The following MAP3K10 variants were observed in gnomAD, a reference collection of about 807,000 sequenced individuals.
MAP3K10 encodes the protein mitogen-activated protein kinase kinase kinase 10, also known as MKN28 derived nonreceptor_type serine/threonine kinase.
MAP3K10 carries 22 observed loss-of-function variants against 75.0 expected under a neutral mutation model. That is an observed-to-expected ratio of 0.29 (90% confidence interval 0.21 to 0.42). The LOEUF (loss-of-function observed/expected upper bound fraction) is 0.42, where lower values mean the gene tolerates loss of function less well. Among genes scored for constraint, MAP3K10 ranks in the 10% least tolerant of loss-of-function variants. The pLI, the probability that MAP3K10 is intolerant of heterozygous loss-of-function variation, is 1.00. For synonymous variants in MAP3K10, 599 were observed against 612.9 expected, an observed-to-expected ratio of 0.98 and a Z score of 0.34; for missense variants, 1,165 against 1,379.8, an observed-to-expected ratio of 0.84 and a Z score of 2.47.
At position 40,198,417 on chromosome 19, in the gene MAP3K10, C is replaced by T. The variant is rs370149563; in HGVS notation, c.725C>T (p.Thr242Met). The change falls in exon 2 of 10, where the codon ACG (threonine) becomes ATG (methionine). Residue 242 changes from threonine (T) to methionine (M), a missense_variant. This residue lies in a region of MAP3K10 where 575 missense variants were observed against 793.2 expected (regional missense o/e 0.72). Transcript: ENST00000253055. This position sits in a 1 kb window ranked among gnomAD's most constrained non-coding sequence, Gnocchi z 4.3. ...ATCGAGAACCACAACCTCGCAGACA[C>T]GGTGCTCAAGATCACGGACTTCGGC... Reference protein sequence around the residue: ...EAIENHNLADTVLKITDFGLA... With the variant: ...EAIENHNLADMVLKITDFGLA... 17 of 1,613,956 alleles carry T rather than the reference C, an allele frequency of 1.1e-5. No homozygotes were observed. Among genetic ancestry groups the T allele is most frequent in the East Asian group, 4.5e-5 (2 of 44,900 alleles).
chr19:40,197,985 C>T (rs1972941904), intron 1 of MAP3K10, among the ~76,000 whole-genome samples: 2 of 152,152 alleles, frequency 1.3e-5, no homozygotes, highest in African/African-American at 4.8e-5. Context: ...GCATGCACCA[C>T]CACACCCAGG....
chr19:40,214,205 C>A lies in MAP3K10; in HGVS notation c.2526C>A (p.Pro842=). The part of the protein sequence containing the change: ...GALGQRGPPE[P]AGHGPGPRDL... ...TGGGGCAGCGGGGGCCGCCCGAGCCCGCGGGCCATGGCCCTGGTGAGTGAG... is the reference window on the plus strand; with the variant it reads ...TGGGGCAGCGGGGGCCGCCCGAGCCAGCGGGCCATGGCCCTGGTGAGTGAG... The change falls in exon 9 of 10, where the codon CCC becomes CCA. Residue 842 remains proline (P), a synonymous_variant. Transcript: ENST00000253055. The A allele has an allele frequency of 7.0e-7, 1 of 1,428,568 alleles. No individual in the cohort carries two copies. The highest frequency in any genetic ancestry group is 9.1e-7 in the Non-Finnish European group (1 of 1,102,304). The allele number at this position is 1,428,568 out of a possible 1,614,324, so 88.5% of individuals were successfully genotyped here.
intron 2 of MAP3K10, among the ~76,000 whole-genome samples, chr19:40,199,886 C>G (rs1050754566): frequency 1.3e-5 from 2 of 152,054 alleles, no homozygotes; most frequent in Non-Finnish European, 2.9e-5. Context: ...AGGCCGGGTG[C>G]GGTGGCTCAC....
chr19:40,204,666 A>G lies in MAP3K10; in HGVS notation c.1012+33A>G. On this transcript the variant is annotated intron_variant, in intron 3 of 9. Coordinates refer to ENST00000253055, the MANE Select transcript of MAP3K10 (RefSeq NM_002446.4). The surrounding 1 kb of genome is among the most constrained non-coding windows in gnomAD (Gnocchi z 4.3). The stretch of plus-strand genomic sequence containing the variant: ...GGGGCCCCGTGACGAGGGTAGGCTC[A>G]GCTTGGAGTGGCAGGGACCTGTGGG... The G allele has an allele frequency of 6.2e-7, 1 of 1,601,674 alleles. No homozygotes were observed. Among genetic ancestry groups the G allele is most frequent in the Non-Finnish European group, 8.5e-7 (1 of 1,172,570 alleles).
Position 40,192,414 on chromosome 19 carries a change from G to A in MAP3K10, c.383G>A (p.Arg128Gln). The A allele has an allele frequency of 6.2e-7, 1 of 1,613,992 alleles. No individual in the cohort carries two copies. The highest frequency in any genetic ancestry group is 8.5e-7 in the Non-Finnish European group (1 of 1,179,970). The change falls in exon 1 of 10, where the codon CGG becomes CAG. Residue 128 changes from arginine to glutamine, a missense_variant. Physicochemically the swap from Arg to Gln is conservative, Grantham distance 43. Coordinates refer to ENST00000253055, the MANE Select transcript of MAP3K10 (RefSeq NM_002446.4). This position sits in a 1 kb window ranked among gnomAD's most constrained non-coding sequence, Gnocchi z 7.1. ...RGEEVAVKAA[R>Q]LDPEKDPAVT... ...GAGGAGGTGGCAGTCAAGGCCGCCC[G>A]GCTGGACCCTGAGAAGGACCCGGCA...
Position 40,205,228 on chromosome 19 carries a change from C to A in MAP3K10, c.1120C>A (p.His374Asn). 4 of 1,614,136 alleles carry A rather than the reference C, an allele frequency of 2.5e-6. No individual in the cohort carries two copies. Among genetic ancestry groups the A allele is most frequent in the Non-Finnish European group, 3.4e-6 (4 of 1,180,034 alleles). The change falls in exon 4 of 10, where the codon CAC (histidine) becomes AAC (asparagine). Residue 374 changes from histidine (H) to asparagine (N), a missense_variant. By Grantham distance (68) the His-to-Asn change is moderately conservative. This residue lies in a region of MAP3K10 where 575 missense variants were observed against 793.2 expected (regional missense o/e 0.72). Coordinates refer to ENST00000253055, the MANE Select transcript of MAP3K10 (RefSeq NM_002446.4). The surrounding 1 kb of genome is among the most constrained non-coding windows in gnomAD (Gnocchi z 4.3). ...GTTCCAGATGCCACTGGAGTCCTTC[C>A]ACTCGCTGCAGGAAGACTGGAAGCT... ...ALFQMPLESF[H>N]SLQEDWKLEI...
Position 40,198,631 on chromosome 19 carries a change from G to A in MAP3K10, c.863+76G>A. On this transcript the variant is annotated intron_variant, in intron 2 of 9. Coordinates refer to ENST00000253055, the MANE Select transcript of MAP3K10 (RefSeq NM_002446.4). This position sits in a 1 kb window ranked among gnomAD's most constrained non-coding sequence, Gnocchi z 4.3. The stretch of plus-strand genomic sequence containing the variant: ...AGGGGTGAGGGCAGAGTGGGAGGGA[G>A]GGTCTCCTGCTGAAGCCAGGATCTC... 7.0e-7 allele frequency: 1 copy of A among 1,420,850 alleles called. No homozygotes were observed. The allele number at this position is 1,420,850 out of a possible 1,614,324, so 88.0% of individuals were successfully genotyped here. A position where few individuals can be genotyped will look rare whatever the true frequency, so the allele number is the denominator to read the frequency against.
chr19:40,213,929 G>A lies in MAP3K10; in HGVS notation c.2250G>A (p.Ser750=), dbSNP rs764402807. ...LAPSATLVSL[S]SVSDCNSTRS... ...CCTCGGCCACCCTCGTGTCGCTGTC[G>A]TCCGTGTCCGACTGCAACTCCACGC... The change falls in exon 9 of 10, where the codon TCG becomes TCA. Residue 750 remains serine (S), a synonymous_variant. Coordinates refer to ENST00000253055, the MANE Select transcript of MAP3K10 (RefSeq NM_002446.4). The surrounding 1 kb of genome is among the most constrained non-coding windows in gnomAD (Gnocchi z 5.7). 5 of 1,525,944 alleles carry A rather than the reference G, an allele frequency of 3.3e-6. No individual in the cohort carries two copies. Among genetic ancestry groups the A allele is most frequent in the East Asian group, 2.6e-5 (1 of 38,190 alleles). 94.5% of individuals were successfully genotyped at this position (1,525,944 alleles called of 1,614,324 possible). A position where few individuals can be genotyped will look rare whatever the true frequency, so the allele number is the denominator to read the frequency against.
At chr19:40,208,087 A>G (rs567531922) in intron 5 of MAP3K10, among the ~76,000 whole-genome samples, 1 of 152,220 alleles carries the variant, frequency 6.6e-6, no homozygotes, top group African/African-American at 2.4e-5. Flanking sequence ...AAAAGTACAT[A>G]TACATACCCA....
At position 40,205,332 on chromosome 19, in the gene MAP3K10, A is replaced by G; in HGVS notation, c.1188+36A>G. 1 of 1,609,640 alleles carries G rather than the reference A, an allele frequency of 6.2e-7. No individual in the cohort carries two copies. Among genetic ancestry groups the G allele is most frequent in the South Asian group, 1.1e-5 (1 of 90,588 alleles). ...GGGGCAAGGTGGGAAAGATGGAGCA[A>G]GACCCCTGAGTTCTGATGCCTTGGG... On this transcript the variant is annotated intron_variant, in intron 4 of 9. Transcript: ENST00000253055. This position sits in a 1 kb window ranked among gnomAD's most constrained non-coding sequence, Gnocchi z 4.3.
chr19:40,206,439 G>T (rs953770872), intron 5 of MAP3K10: 1 of 281,516 alleles, frequency 3.6e-6, no homozygotes, highest in Non-Finnish European at 6.6e-6. Context: ...AGCTGGCCAC[G>T]TTGGCATGCA....
chr19:40,199,190 T>G (rs1972972457), intron 2 of MAP3K10, among the ~76,000 whole-genome samples: 1 of 152,196 alleles, frequency 6.6e-6, no homozygotes, highest in Non-Finnish European at 1.5e-5. Context: ...AATTCACTCA[T>G]TCATTCCTTC....
chr19:40,202,342 A>T (rs1973042117), intron 2 of MAP3K10, among the ~76,000 whole-genome samples: 1 of 151,926 alleles, frequency 6.6e-6, no homozygotes, highest in African/African-American at 2.4e-5. Context: ...GCCCGGCCTC[A>T]TTTTCTTACC....
chr19:40,205,031 A>C lies in MAP3K10; in HGVS notation c.1013-90A>C, dbSNP rs1973091108. On this transcript the variant is annotated intron_variant, in intron 3 of 9. Transcript: ENST00000253055. The surrounding 1 kb of genome is among the most constrained non-coding windows in gnomAD (Gnocchi z 4.3). ...AGCTGTTTGTCTGCCATCCCCAGAAATTCTGCCTTCCTCTGAGCAGGCTGA... is the reference window on the plus strand; with the variant it reads ...AGCTGTTTGTCTGCCATCCCCAGAACTTCTGCCTTCCTCTGAGCAGGCTGA... 5 of 1,214,502 alleles carry C rather than the reference A, an allele frequency of 4.1e-6. No individual in the cohort carries two copies. The South Asian group carries it at 5.3e-5, about 13-fold the overall frequency. 75.2% of individuals were successfully genotyped at this position (1,214,502 alleles called of 1,614,324 possible).
chr19:40,198,091 G>A lies in MAP3K10; in HGVS notation c.683-284G>A, dbSNP rs545814594. ...CAAGTGACCCGCTTCAGCCTTGGCT[G>A]TTGGTTCTTGACCATTCATGGAGCT... On this transcript the variant is annotated intron_variant, in intron 1 of 9. Transcript: ENST00000253055. The surrounding 1 kb of genome is among the most constrained non-coding windows in gnomAD (Gnocchi z 4.3). Among the ~76,000 whole-genome samples, 2 of 152,278 alleles carry A rather than the reference G, an allele frequency of 1.3e-5. No individual in the cohort carries two copies. Among genetic ancestry groups the A allele is most frequent in the Non-Finnish European group, 1.5e-5 (1 of 68,022 alleles).
In MAP3K10 at chr19:40,204,911, T is replaced by G. The variant is rs1357060931; in HGVS notation, c.1013-210T>G. 4 of 621,088 alleles carry G rather than the reference T, an allele frequency of 6.4e-6. No individual in the cohort carries two copies. In the East Asian group the frequency reaches 1.1e-4, roughly 17 times the overall value. 38.5% of individuals were successfully genotyped at this position (621,088 alleles called of 1,614,324 possible). A position where few individuals can be genotyped will look rare whatever the true frequency, so the allele number is the denominator to read the frequency against. The stretch of plus-strand genomic sequence containing the variant: ...TCCTGATTCCACTACCAGCCCCTCC[T>G]CGGGGTGCAGGTCCCAGGGTTTCTC... On this transcript the variant is annotated intron_variant, in intron 3 of 9. Transcript: ENST00000253055. This position sits in a 1 kb window ranked among gnomAD's most constrained non-coding sequence, Gnocchi z 4.3.
Position 40,198,529 on chromosome 19 carries a change from C to T in MAP3K10, c.837C>T (p.Leu279=). 6.2e-7 allele frequency: 1 copy of T among 1,613,202 alleles called. No homozygotes were observed. Among genetic ancestry groups the T allele is most frequent in the Non-Finnish European group, 8.5e-7 (1 of 1,179,408 alleles). ...CGCCGGAGGTTATCCGTCTCTCCCT[C>T]TTCTCCAAAAGCAGTGATGTCTGGA... The part of the protein sequence containing the change: ...WMAPEVIRLS[L]FSKSSDVWSF... The change falls in exon 2 of 10, where the codon CTC becomes CTT. Residue 279 remains leucine, a synonymous_variant. Coordinates refer to ENST00000253055, the MANE Select transcript of MAP3K10 (RefSeq NM_002446.4). This position sits in a 1 kb window ranked among gnomAD's most constrained non-coding sequence, Gnocchi z 4.3.
intron 2 of MAP3K10, among the ~76,000 whole-genome samples, chr19:40,201,174 G>T (rs867628441): frequency 0.011 from 1,378 of 130,146 alleles, 23 homozygotes; most frequent in African/African-American, 0.033. Context: ...AGCGTTTTTT[G>T]TTTTTTTTTT....
rs769431753 is a variant in MAP3K10, at chr19:40,192,666, A to C, written c.635A>C (p.Asn212Thr). ...GCCCGGGGCATGAACTACCTACACA[A>C]TGATGCCCCTGTGCCCATCATCCAC... ...QVARGMNYLH[N>T]DAPVPIIHRD... is the part of the protein sequence containing the mutation. Residue 212 changes from asparagine to threonine, a missense_variant, in exon 1 of 10, where the codon AAT becomes ACT. By Grantham distance (65) the Asn-to-Thr change is moderately conservative. Around this residue, in one of 2 missense-constraint regions of MAP3K10, gnomAD observed 575 missense variants for 793.2 expected, o/e 0.72. Transcript: ENST00000253055. This position sits in a 1 kb window ranked among gnomAD's most constrained non-coding sequence, Gnocchi z 7.1. 2.0e-5 allele frequency: 31 copies of C among 1,580,772 alleles called. No individual in the cohort carries two copies. Among genetic ancestry groups the C allele is most frequent in the Non-Finnish European group, 2.7e-5 (31 of 1,162,602 alleles).
Sources: allele counts gnomAD v4.1 joint callset (sites outside exome capture counted in the v4.1 genomes callset), GRCh38; gene constraint gnomAD v4.1.1; regional missense constraint gnomAD v4.1.1; non-coding constraint Gnocchi (gnomAD v3.1); transcripts MANE v1.5; gene names NCBI Gene and HGNC (gene_info 2026-07-23, HGNC 2026-07-21).